The following PDGFD variants were observed in gnomAD, a reference collection of about 807,000 sequenced individuals.
PDGFD encodes platelet derived growth factor D.
In PDGFD, 30 loss-of-function variants were observed where a neutral mutation model predicts 44.7. The observed-to-expected ratio is 0.67, with a 90% confidence interval of 0.50 to 0.91. The LOEUF (loss-of-function observed/expected upper bound fraction) is 0.91. Ranked by LOEUF, PDGFD falls within the 40% of genes least tolerant of loss-of-function variation. The pLI, the probability that PDGFD is intolerant of heterozygous loss-of-function variation, is 0.00. For synonymous variants in PDGFD, 173 were observed against 168.4 expected (o/e 1.03, Z -0.21); for missense variants, 445 against 457.8 (o/e 0.97, Z 0.25).
intron 1 of PDGFD, among the ~76,000 whole-genome samples, chr11:104,062,533 G>T (rs912742385): frequency 2.0e-5 from 3 of 152,240 alleles, no homozygotes; most frequent in African/African-American, 7.2e-5. Flanking sequence ...TATCCAAATG[G>T]CAGCTCAATA....
At chr11:104,077,262 G>A (rs961932823) in intron 1 of PDGFD, among the ~76,000 whole-genome samples, 3 of 152,200 alleles carry the variant, frequency 2.0e-5, no homozygotes, top group Non-Finnish European at 4.4e-5. Context: ...CATGACTGGT[G>A]ACAAGCCTGG....
In PDGFD at chr11:104,013,069, C is replaced by T. The variant is rs546172452; in HGVS notation, c.125-12814G>A. ...CCATAAAAACCCCAAACTCCGCTGGCAGAGGAGCAGAGCAGTATGGCAGAG... is the reference window on the plus strand; with the variant it reads ...CCATAAAAACCCCAAACTCCGCTGGTAGAGGAGCAGAGCAGTATGGCAGAG... On this transcript the variant is annotated intron_variant, in intron 1 of 6. Transcript: ENST00000393158. Among the ~76,000 whole-genome samples the T allele has an allele frequency of 5.9e-5, 9 of 152,324 alleles. No homozygotes were observed. The East Asian group carries it at 1.7e-3, about 29-fold the overall frequency.
intron 1 of PDGFD, among the ~76,000 whole-genome samples, chr11:104,142,515 T>C (rs1368873984): frequency 6.6e-6 from 1 of 152,112 alleles, no homozygotes; most frequent in African/African-American, 2.4e-5. Context: ...TTCCACCTTA[T>C]CTACCTAGCA....
intron 1 of PDGFD, among the ~76,000 whole-genome samples, chr11:104,061,659 G>C (rs541471077): frequency 1.3e-5 from 2 of 152,082 alleles, no homozygotes; most frequent in Non-Finnish European, 2.9e-5. Flanking sequence ...ATCCAGGCTG[G>C]AGTGCAGTGG....
intron 6 of PDGFD, among the ~76,000 whole-genome samples, chr11:103,921,470 T>C (rs1199635038): frequency 6.6e-6 from 1 of 152,184 alleles, no homozygotes; most frequent in Non-Finnish European, 1.5e-5. Flanking sequence ...TGTATTACTC[T>C]AACCTCATAT....
In PDGFD at chr11:103,908,407, T is replaced by C. The variant is rs1469485545; in HGVS notation, c.*1287A>G. ...AACTTGTGTTACCACAATTGACAAC[T>C]GGCTTCTTAAAGCAAGCTCCATAGA... On this transcript the variant is annotated 3_prime_UTR_variant, in exon 7 of 7. Coordinates refer to ENST00000393158, the MANE Select transcript of PDGFD (RefSeq NM_025208.5). The C allele has an allele frequency of 1.3e-5, 2 of 152,240 alleles. No individual in the cohort carries two copies. The highest frequency in any genetic ancestry group is 4.8e-5 in the African/African-American group (2 of 41,464). The allele number at this position is 152,240 out of a possible 1,614,324, so 9.4% of individuals were successfully genotyped here.
At chr11:104,011,030 A>AT (rs1360143166) in intron 1 of PDGFD, among the ~76,000 whole-genome samples, 2 of 152,220 alleles carry the variant, frequency 1.3e-5, no homozygotes, top group East Asian at 1.9e-4. Flanking sequence ...AAGATTTAGC[A>AT]TTTTTTCTAG....
At chr11:103,996,865 T>C (rs17101824) in intron 2 of PDGFD, among the ~76,000 whole-genome samples, 7,381 of 152,256 alleles carry the variant, frequency 0.048, 263 homozygotes, top group African/African-American at 0.099. Context: ...CTAACCAATA[T>C]TGGAAAAATC....
At chr11:104,120,147 ATCC>A (rs1482848303) in intron 1 of PDGFD, among the ~76,000 whole-genome samples, 1 of 150,872 alleles carries the variant, frequency 6.6e-6, no homozygotes, top group African/African-American at 2.4e-5. Flanking sequence ...TTCCAAAGCC[ATCC>A]TTAAATTGCA....
intron 3 of PDGFD, among the ~76,000 whole-genome samples, chr11:103,993,636 A>G (rs1226238383): frequency 1.3e-5 from 2 of 152,126 alleles, no homozygotes; most frequent in Non-Finnish European, 2.9e-5. Context: ...AAACATGAAT[A>G]AAGTGATCTT....
intron 1 of PDGFD, among the ~76,000 whole-genome samples, chr11:104,024,997 G>A (rs1297454259): frequency 6.6e-6 from 1 of 152,172 alleles, no homozygotes; most frequent in Non-Finnish European, 1.5e-5. Flanking sequence ...TTTTTCAGGA[G>A]TCAACAGGAT....
intron 5 of PDGFD, among the ~76,000 whole-genome samples, chr11:103,937,425 G>A (rs907029778): frequency 8.6e-5 from 13 of 152,022 alleles, no homozygotes; most frequent in Admixed American, 3.3e-4. Flanking sequence ...TCACCTCTCC[G>A]TTAATGTCCA....
At chr11:104,037,662 G>T (rs1480019259) in intron 1 of PDGFD, 2 of 1,614,182 alleles carry the variant, frequency 1.2e-6, no homozygotes, top group African/African-American at 1.3e-5. Context: ...ACATCATGAG[G>T]CTGGTGGACC....
chr11:103,979,649 G>T (rs558343471), intron 3 of PDGFD, among the ~76,000 whole-genome samples: 1 of 152,066 alleles, frequency 6.6e-6, no homozygotes, highest in South Asian at 2.1e-4. Context: ...GTTGTGATTT[G>T]TGAGGAAATA....
intron 4 of PDGFD, among the ~76,000 whole-genome samples, chr11:103,944,184 T>A (rs866035230): frequency 6.6e-6 from 1 of 152,182 alleles, no homozygotes; most frequent in Non-Finnish European, 1.5e-5. Flanking sequence ...CACCAACTTA[T>A]TTACTGTCAA....
At position 104,040,719 on chromosome 11, in the gene PDGFD, T is replaced by A. The variant is rs200571135; in HGVS notation, c.125-40464A>T. ...ATATTCAAAGTTCAGTGATTTTAAA[T>A]TTTTTTTGACAACAAACTACATTTT... On this transcript the variant is annotated intron_variant, in intron 1 of 6. Coordinates refer to ENST00000393158, the MANE Select transcript of PDGFD (RefSeq NM_025208.5). Among the ~76,000 whole-genome samples the A allele has an allele frequency of 7.0e-5, 4 of 57,388 alleles. No individual in the cohort carries two copies. In the East Asian group the frequency reaches 1.7e-3, roughly 24 times the overall value. 37.6% of individuals were successfully genotyped at this position (57,388 alleles called of 152,430 possible).
At chr11:103,910,698 G>A (rs1032599905) in intron 6 of PDGFD, among the ~76,000 whole-genome samples, 5 of 152,170 alleles carry the variant, frequency 3.3e-5, no homozygotes, top group Non-Finnish European at 5.9e-5. Flanking sequence ...CGAGCTAGCC[G>A]CAGCAGTTTA....
chr11:104,037,954 G>A (rs1313569353), intron 1 of PDGFD: 2 of 1,614,150 alleles, frequency 1.2e-6, no homozygotes, highest in Non-Finnish European at 1.7e-6. Context: ...TGGGCAAGAT[G>A]AGTCTTCGGA....
chr11:103,916,435 A>G (rs1591074591), intron 6 of PDGFD, among the ~76,000 whole-genome samples: 1 of 152,336 alleles, frequency 6.6e-6, no homozygotes, highest in African/African-American at 2.4e-5. Flanking sequence ...AAGTCAGGAA[A>G]CAACAAATGC....
Sources: gnomAD v4.1 joint callset for allele counts (sites outside exome capture counted in the v4.1 genomes callset) on GRCh38, gnomAD v4.1.1 for gene constraint, MANE v1.5 for transcripts, NCBI Gene and HGNC (gene_info 2026-07-23, HGNC 2026-07-21) for gene names.